SHANK1: variants seen among roughly 807,000 people sequenced by gnomAD.
SHANK1 encodes SH3 and multiple ankyrin repeat domains protein 1.
SHANK1 carries 35 observed loss-of-function variants against 165.6 expected under a neutral mutation model. That is an observed-to-expected ratio of 0.21 (90% CI 0.16 to 0.28). SHANK1 has a LOEUF of 0.28. SHANK1 is among the 10% of genes least tolerant of loss of function. SHANK1 has a pLI of 1.00. For synonymous variants in SHANK1, 1,428 were observed against 1,384.8 expected (o/e 1.03, Z -0.69); for missense variants, 2,681 against 3,036.4 (o/e 0.88, Z 2.75).
Position 50,661,896 on chromosome 19 carries a change from G to A in SHANK1, c.*69C>T. 5 of 1,531,072 alleles carry A rather than the reference G, an allele frequency of 3.3e-6. No individual in the cohort carries two copies. Among genetic ancestry groups the A allele is most frequent in the Non-Finnish European group, 3.6e-6 (4 of 1,110,548 alleles). The allele number at this position is 1,531,072 out of a possible 1,614,324, so 94.8% of individuals were successfully genotyped here. On this transcript the variant is annotated 3_prime_UTR_variant, in exon 24 of 24. Transcript: ENST00000293441. ...GGCCCGGGGAGAGAATGACAGTCAG[G>A]GGTCAGAGGTCAAGAGGCCAGCAGG...
intron 8 of SHANK1, among the ~76,000 whole-genome samples, chr19:50,704,899 A>G (rs2088919945): frequency 6.6e-6 from 1 of 151,490 alleles, no homozygotes; most frequent in Admixed American, 6.6e-5. Flanking sequence ...CAAAAAAATA[A>G]ACAGAAATTA....
chr19:50,694,106 G>C (rs117240477), intron 15 of SHANK1, among the ~76,000 whole-genome samples: 1 of 151,174 alleles, frequency 6.6e-6, no homozygotes, highest in East Asian at 2.0e-4. Flanking sequence ...TACAGAGACA[G>C]ACGCTGTCAC....
rs767248682 is a variant in SHANK1 at position 50,689,285 on chromosome 19, AG to A, written c.1965-7del. 2.0e-5 allele frequency: 24 copies of A among 1,227,484 alleles called. No homozygotes were observed. Among genetic ancestry groups the A allele is most frequent in the Non-Finnish European group, 2.8e-5 (24 of 854,428 alleles). 76.0% of individuals were successfully genotyped at this position (1,227,484 alleles called of 1,614,324 possible). A position where few individuals can be genotyped will look rare whatever the true frequency, so the allele number is the denominator to read the frequency against. ...TCTCCTTAATGATGTAATCGCTGGC[AG>A]GGAGGCAGGAGAAATGGGGGGGTGG... On this transcript the variant is annotated splice_polypyrimidine_tract_variant and splice_region_variant and intron_variant, in intron 15 of 23. Coordinates refer to ENST00000293441, the MANE Select transcript of SHANK1 (RefSeq NM_016148.5).
Position 50,660,609 on chromosome 19 carries a change from G to A in SHANK1, c.*1356C>T, listed in dbSNP as rs1006649133. ...GATGAGTGTGCAAAAGGAAAGAAGT[G>A]GTAGAGCTCTCATCCAGGTAGAAAA... On this transcript the variant is annotated 3_prime_UTR_variant, in exon 24 of 24. Transcript: ENST00000293441. Among the ~76,000 whole-genome samples the A allele has an allele frequency of 2.0e-5, 3 of 151,396 alleles. No homozygotes were observed. Among genetic ancestry groups the A allele is most frequent in the Middle Eastern group, 3.2e-3 (1 of 316 alleles).
At chr19:50,700,494 C>T (rs534161442) in intron 12 of SHANK1, among the ~76,000 whole-genome samples, 25 of 151,966 alleles carry the variant, frequency 1.6e-4, no homozygotes, top group South Asian at 4.2e-4. Context: ...AAGGAAGAGT[C>T]GCATGAGATG....
intron 21 of SHANK1, among the ~76,000 whole-genome samples, chr19:50,675,769 A>G (rs1985958212): frequency 6.6e-6 from 1 of 152,178 alleles, no homozygotes; most frequent in East Asian, 1.9e-4. Context: ...TGGGAGTTCA[A>G]GGTGGGTGGA....
chr19:50,671,287 C>T (rs757763786), intron 22 of SHANK1, among the ~76,000 whole-genome samples: 4 of 147,282 alleles, frequency 2.7e-5, no homozygotes, highest in Non-Finnish European at 4.5e-5. Context: ...GGGTTCACGC[C>T]ATTCTCCTGC....
At position 50,690,279 on chromosome 19, in the gene SHANK1, G is replaced by A. The variant is rs1481806130; in HGVS notation, c.1965-1000C>T. ...CATTTAGGTAAGGCTCACGTACCCA[G>A]GAAATGTCAATGAAACTCAGATACA... On this transcript the variant is annotated intron_variant, in intron 15 of 23. Coordinates refer to ENST00000293441, the MANE Select transcript of SHANK1 (RefSeq NM_016148.5). This position sits in a 1 kb window ranked among gnomAD's most constrained non-coding sequence, Gnocchi z 4.9. 1.3e-5 allele frequency among the ~76,000 whole-genome samples: 2 copies of A among 152,060 alleles called. No individual in the cohort carries two copies. Among genetic ancestry groups the A allele is most frequent in the Non-Finnish European group, 2.9e-5 (2 of 67,998 alleles).
chr19:50,712,215 C>CTACA (rs1445766099), intron 6 of SHANK1, 101 bp from the exon 7 acceptor site: 1 of 1,228,868 alleles, frequency 8.1e-7, no homozygotes, highest in Admixed American at 2.6e-5. Context: ...CCTGGGTGAC[C>CTACA]TACAGTGGCC....
intron 21 of SHANK1, among the ~76,000 whole-genome samples, chr19:50,681,969 C>T (rs1356442920): frequency 6.6e-6 from 1 of 152,184 alleles, no homozygotes; most frequent in Non-Finnish European, 1.5e-5. Context: ...GTCTCGAACT[C>T]CTGGCCTCAA....
intron 8 of SHANK1, among the ~76,000 whole-genome samples, chr19:50,708,235 G>A (rs1248700021): frequency 1.3e-5 from 2 of 152,008 alleles, no homozygotes; most frequent in South Asian, 2.1e-4. Flanking sequence ...GTGAGGCACC[G>A]CGCCTGGCTT....
chr19:50,663,522 CT>C (rs1323000069), intron 23 of SHANK1, among the ~76,000 whole-genome samples: 2 of 152,012 alleles, frequency 1.3e-5, no homozygotes, highest in African/African-American at 4.8e-5. Context: ...ATTGTGGTAG[CT>C]TTTTTTGTAG....
chr19:50,716,748 G>A lies in SHANK1; in HGVS notation c.172C>T (p.Gln58Ter), dbSNP rs1411968026. The change falls in exon 2 of 24, where the codon CAG becomes TAG. Residue 58 changes from glutamine to a stop codon, truncating the protein, a stop_gained. Transcript: ENST00000293441. LOFTEE classifies it high-confidence loss of function. This position sits in a 1 kb window ranked among gnomAD's most constrained non-coding sequence, Gnocchi z 8.4. ...PGSLASVRGL[Q>*]GRSMSVPDDA... ...TCTGGGACGGACATTGAGCGGCCCT[G>A]GAGGCCTCTAACAGAGGCCAGGCTA... 1 of 1,609,466 alleles carries A rather than the reference G, an allele frequency of 6.2e-7. No individual in the cohort carries two copies. The highest frequency in any genetic ancestry group is 8.5e-7 in the Non-Finnish European group (1 of 1,178,026).
chr19:50,687,140 G>C lies in SHANK1; in HGVS notation c.2390-328C>G, dbSNP rs563563172. 41 of 669,108 alleles carry C rather than the reference G, an allele frequency of 6.1e-5. 1 individual carries two copies. The Middle Eastern group carries it at 1.0e-3, about 17-fold the overall frequency. The allele number at this position is 669,108 out of a possible 1,614,324, so 41.4% of individuals were successfully genotyped here. On this transcript the variant is annotated intron_variant, in intron 19 of 23. Coordinates refer to ENST00000293441, the MANE Select transcript of SHANK1 (RefSeq NM_016148.5). ...AGCCCGCCTCCCTCGGGGCCCCGGG[G>C]TGGGGGCGGTCAGCTGTCCGACCAG... is the stretch of plus-strand genomic sequence containing the variant.
intron 19 of SHANK1, chr19:50,687,037 G>A (rs760195713): frequency 1.3e-6 from 2 of 1,484,606 alleles, no homozygotes; most frequent in Middle Eastern, 1.8e-4. Context: ...CTTCCAGGGG[G>A]AGACTAGCCC....
At chr19:50,676,198 G>A (rs1985976436) in intron 21 of SHANK1, among the ~76,000 whole-genome samples, 1 of 151,694 alleles carries the variant, frequency 6.6e-6, no homozygotes, top group Non-Finnish European at 1.5e-5. Context: ...AGCTACTTGG[G>A]AGGCTGAGGT....
chr19:50,662,471 G>T lies in SHANK1; in HGVS notation c.5980C>A (p.Leu1994Met). 6.4e-7 allele frequency: 1 copy of T among 1,553,094 alleles called. No homozygotes were observed. The highest frequency in any genetic ancestry group is 8.7e-7 in the Non-Finnish European group (1 of 1,149,132). The change falls in exon 24 of 24, where the codon CTG becomes ATG. Residue 1994 changes from leucine (L) to methionine (M), a missense_variant. Physicochemically the swap from Leu to Met is conservative, Grantham distance 15. Transcript: ENST00000293441. This position sits in a 1 kb window ranked among gnomAD's most constrained non-coding sequence, Gnocchi z 7.7. ...QGVEFEMRPPLLRRAPSPSLL... is the reference protein window; with the variant it reads ...QGVEFEMRPPMLRRAPSPSLL... The stretch of plus-strand genomic sequence containing the variant: ...GAGGGGCTGGGGGCCCGGCGGAGCA[G>T]AGGGGGCCGCATCTCGAACTCCACG...
chr19:50,669,784 T>G (rs1985724028), intron 22 of SHANK1, among the ~76,000 whole-genome samples: 1 of 145,208 alleles, frequency 6.9e-6, no homozygotes, highest in African/African-American at 2.6e-5. Flanking sequence ...AAAAAAAAAA[T>G]CAGGTAAACG....
At chr19:50,676,824 A>G (rs562544103) in intron 21 of SHANK1, among the ~76,000 whole-genome samples, 5 of 152,206 alleles carry the variant, frequency 3.3e-5, no homozygotes, top group Non-Finnish European at 7.3e-5. Context: ...AGGTGTGGCC[A>G]TATGACTAAG....
Sources: allele counts gnomAD v4.1 joint callset (sites outside exome capture counted in the v4.1 genomes callset), GRCh38; gene constraint gnomAD v4.1.1; non-coding constraint Gnocchi (gnomAD v3.1); transcripts MANE v1.5; gene names NCBI Gene and HGNC (gene_info 2026-07-23, HGNC 2026-07-21).